Variants in XKR6 observed in about 807,000 individuals in gnomAD.
XKR6 encodes XK related 6, also known as XK-related protein 6.
In XKR6, 22 loss-of-function variants were observed where a neutral mutation model predicts 56.7. The ratio of observed to expected loss-of-function variants is 0.39; its 90% CI spans 0.28 to 0.55. The LOEUF (loss-of-function observed/expected upper bound fraction) is 0.55, where lower values mean the gene tolerates loss of function less well. XKR6 is among the 20% of genes least tolerant of loss of function. The pLI, the probability that XKR6 is intolerant of heterozygous loss-of-function variation, is 0.66. For missense variants in XKR6, 852 were observed against 889.0 expected (o/e 0.96, Z 0.53); for synonymous variants, 524 against 387.8 (o/e 1.35, Z -4.13).
chr8:11,029,512 G>A (rs367544268), intron 1 of XKR6, among the ~76,000 whole-genome samples: 86 of 152,258 alleles, frequency 5.6e-4, no homozygotes, highest in African/African-American at 2.0e-3. Context: ...AAGGACATGT[G>A]AGCATACTAC....
chr8:11,115,663 C>A (rs1451375362), intron 1 of XKR6, among the ~76,000 whole-genome samples: 1 of 152,048 alleles, frequency 6.6e-6, no homozygotes, highest in Admixed American at 6.6e-5. Flanking sequence ...AATATATGCA[C>A]CTGATTCAAA....
At chr8:11,180,563 A>G (rs768504970) in intron 1 of XKR6, among the ~76,000 whole-genome samples, 1 of 152,224 alleles carries the variant, frequency 6.6e-6, no homozygotes, top group Admixed American at 6.5e-5. Context: ...GTGCAACAGC[A>G]TGGAGACAAA....
rs561946072 is a variant in XKR6 at position 11,123,185 on chromosome 8, C to T, written c.764+77391G>A. 4.0e-5 allele frequency among the ~76,000 whole-genome samples: 6 copies of T among 149,240 alleles called. No homozygotes were observed. The East Asian group carries it at 9.8e-4, about 24-fold the overall frequency. ...CTGGGAGGTGGAGGTCGCAGTGAGC[C>T]GAGATTGTGCCACTGCACTCCAGCC... On this transcript the variant is annotated intron_variant, in intron 1 of 2. Coordinates refer to ENST00000416569, the MANE Select transcript of XKR6 (RefSeq NM_173683.4).
At position 11,075,612 on chromosome 8, in the gene XKR6, C is replaced by T. The variant is rs1054022464; in HGVS notation, c.764+124964G>A. Among the ~76,000 whole-genome samples the T allele has an allele frequency of 5.9e-5, 9 of 152,138 alleles. 1 individual carries two copies. Among genetic ancestry groups the T allele is most frequent in the Admixed American group, 5.9e-4 (9 of 15,272 alleles). ...TTCAAAAAAGTAACTTGGCCAGGCT[C>T]GGTAGCTCACATCTGTAATCCCAGC... On this transcript the variant is annotated intron_variant, in intron 1 of 2. Coordinates refer to ENST00000416569, the MANE Select transcript of XKR6 (RefSeq NM_173683.4).
chr8:11,142,053 C>T (rs1348420281), intron 1 of XKR6, among the ~76,000 whole-genome samples: 1 of 150,352 alleles, frequency 6.7e-6, no homozygotes, highest in Non-Finnish European at 1.5e-5. Flanking sequence ...AAAGGAAACA[C>T]CAAGACAAGT....
chr8:10,896,077 G>A lies in XKR6; in HGVS notation c.*1875C>T, dbSNP rs940454215. ...AACAGTATTTACTTAAAAATATTGT[G>A]TGTGTTTATATATATATATATATAT... On this transcript the variant is annotated 3_prime_UTR_variant, in exon 3 of 3. Transcript: ENST00000416569. The A allele has an allele frequency of 2.0e-5, 2 of 102,212 alleles. No homozygotes were observed. The highest frequency in any genetic ancestry group is 2.9e-5 in the African/African-American group (1 of 35,016). 6.3% of individuals were successfully genotyped at this position (102,212 alleles called of 1,614,324 possible). A position where few individuals can be genotyped will look rare whatever the true frequency, so the allele number is the denominator to read the frequency against.
At chr8:11,076,203 T>G (rs1800269851) in intron 1 of XKR6, among the ~76,000 whole-genome samples, 1 of 152,210 alleles carries the variant, frequency 6.6e-6, no homozygotes, top group South Asian at 2.1e-4. Flanking sequence ...AGAATGGGGT[T>G]GCCAGGGGCT....
At chr8:10,905,186 A>G (rs999264902) in intron 2 of XKR6, among the ~76,000 whole-genome samples, 1 of 151,902 alleles carries the variant, frequency 6.6e-6, no homozygotes, top group Non-Finnish European at 1.5e-5. Flanking sequence ...CATCTTCTCC[A>G]AGCTTCCCGA....
At chr8:10,945,809 G>A (rs1163342059) in intron 1 of XKR6, among the ~76,000 whole-genome samples, 7 of 152,138 alleles carry the variant, frequency 4.6e-5, no homozygotes, top group Non-Finnish European at 8.8e-5. Context: ...GCCTAGCGCC[G>A]CGTCTCTGCT....
chr8:11,101,353 G>C (rs6651507), intron 1 of XKR6, among the ~76,000 whole-genome samples: 6,159 of 152,240 alleles, frequency 0.04, 390 homozygotes, highest in African/African-American at 0.13. Context: ...GCCGTGATTG[G>C]ATAACGTACA....
At chr8:11,062,529 C>T in intron 1 of XKR6, 1 of 355,788 alleles carries the variant, frequency 2.8e-6, no homozygotes, top group South Asian at 2.1e-5. Context: ...CCTCTACCTG[C>T]CCGATCCAGC....
intron 1 of XKR6, among the ~76,000 whole-genome samples, chr8:11,049,760 A>T (rs1799498545): frequency 6.6e-6 from 1 of 152,130 alleles, no homozygotes; most frequent in Admixed American, 6.5e-5. Flanking sequence ...AAAGAAGAAG[A>T]AAAAAAAGTT....
intron 1 of XKR6, among the ~76,000 whole-genome samples, chr8:11,049,849 A>G (rs1225413799): frequency 6.6e-6 from 1 of 152,226 alleles, no homozygotes; most frequent in Non-Finnish European, 1.5e-5. Flanking sequence ...CTAAGGGGCA[A>G]ACAGCGCATA....
At chr8:11,179,850 T>C (rs932707525) in intron 1 of XKR6, among the ~76,000 whole-genome samples, 11 of 152,114 alleles carry the variant, frequency 7.2e-5, no homozygotes, top group Non-Finnish European at 2.9e-5. Context: ...TTTTAAAAAG[T>C]AGCCCGGCAC....
chr8:11,047,465 T>A (rs73662685), intron 1 of XKR6, among the ~76,000 whole-genome samples: 1,986 of 152,274 alleles, frequency 0.013, 48 homozygotes, highest in African/African-American at 0.045. Context: ...AATGCAAATA[T>A]AAACTACATT....
chr8:11,156,073 G>C (rs946199284), intron 1 of XKR6, among the ~76,000 whole-genome samples: 7 of 152,032 alleles, frequency 4.6e-5, no homozygotes, highest in African/African-American at 1.7e-4. Context: ...ACAAAACAAG[G>C]TCTTGTAAAG....
At chr8:11,080,237 G>C (rs775136822) in intron 1 of XKR6, among the ~76,000 whole-genome samples, 2 of 151,852 alleles carry the variant, frequency 1.3e-5, no homozygotes, top group African/African-American at 4.8e-5. Context: ...TAGTCATTAA[G>C]TCCCCATAAT....
chr8:11,098,273 C>T (rs1798339048), intron 1 of XKR6, among the ~76,000 whole-genome samples: 1 of 151,930 alleles, frequency 6.6e-6, no homozygotes, highest in South Asian at 2.1e-4. Flanking sequence ...CACACATGCA[C>T]GACACACAGG....
intron 2 of XKR6, among the ~76,000 whole-genome samples, chr8:10,919,306 G>A (rs567219533): frequency 3.2e-4 from 49 of 152,322 alleles, no homozygotes; most frequent in African/African-American, 1.1e-3. Flanking sequence ...CTCTGGAGGG[G>A]CTTTTCCTGA....
Sources: allele counts gnomAD v4.1 joint callset (sites outside exome capture counted in the v4.1 genomes callset), GRCh38; gene constraint gnomAD v4.1.1; transcripts MANE v1.5; gene names NCBI Gene and HGNC (gene_info 2026-07-23, HGNC 2026-07-21).